The following PDXDC1 variants were observed in gnomAD, a reference collection of about 807,000 sequenced individuals.
PDXDC1 encodes the protein pyridoxal-dependent decarboxylase domain-containing protein 1.
PDXDC1 carries 42 observed loss-of-function variants against 100.1 expected under a neutral mutation model. That is an observed-to-expected ratio of 0.42 (90% CI 0.33 to 0.54). PDXDC1 has a LOEUF of 0.54. Among genes scored for constraint, PDXDC1 ranks in the 20% least tolerant of loss-of-function variants. PDXDC1 has a pLI of 0.10. For missense variants in PDXDC1, 636 were observed against 979.2 expected, an observed-to-expected ratio of 0.65 and a Z score of 4.68; for synonymous variants, 260 against 371.7, an observed-to-expected ratio of 0.70 and a Z score of 3.46.
intron 16 of PDXDC1, among the ~76,000 whole-genome samples, chr16:15,087,121 C>T (rs1455216306): frequency 2.0e-5 from 3 of 152,068 alleles, no homozygotes; most frequent in African/African-American, 7.2e-5. Context: ...TAATTATATT[C>T]ATGCATATAT....
chr16:15,133,972 G>C (rs1223732372), intron 16 of PDXDC1: 1 of 1,320,260 alleles, frequency 7.6e-7, no homozygotes, highest in Non-Finnish European at 1.1e-6. Context: ...CCGTCCCGCA[G>C]CACGCCCCGC....
downstream of PDXDC1, among the ~76,000 whole-genome samples, chr16:15,043,279 A>T (rs1597774455): frequency 2.0e-5 from 3 of 149,398 alleles, no homozygotes; most frequent in Admixed American, 2.0e-4. Context: ...TAGGTGATCC[A>T]CCTGCCTTGG....
intron 22 of PDXDC1, among the ~76,000 whole-genome samples, 182 bp from the exon 23 acceptor site, chr16:15,035,834 G>C (rs992773177): frequency 6.6e-6 from 1 of 152,108 alleles, no homozygotes; most frequent in African/African-American, 2.4e-5. Flanking sequence ...CCCGGCCTGG[G>C]GAGCATGTTG....
intron 16 of PDXDC1, among the ~76,000 whole-genome samples, chr16:15,128,575 C>A (rs961198630): frequency 6.6e-6 from 1 of 152,118 alleles, no homozygotes; most frequent in African/African-American, 2.4e-5. Flanking sequence ...ACAGCAGGAC[C>A]TCAAGGACAT....
At position 15,131,594 on chromosome 16, in the gene PDXDC1, G is replaced by C. The variant is rs916586534; in HGVS notation, c.1400-7285G>C. On this transcript the variant is annotated intron_variant, in intron 16 of 16. Coordinates refer to the PDXDC1 transcript ENST00000535621. ...CGGGAGCGCGTGAGGATGCGCATGAGGGCAGAGGTCAGGTTGTAGGCCTGG... is the reference window on the plus strand; with the variant it reads ...CGGGAGCGCGTGAGGATGCGCATGACGGCAGAGGTCAGGTTGTAGGCCTGG... The C allele has an allele frequency of 7.5e-6, 12 of 1,604,024 alleles. No individual in the cohort carries two copies. In the African/African-American group the frequency reaches 1.2e-4, roughly 16 times the overall value.
the PDXDC1 span, among the ~76,000 whole-genome samples, chr16:15,150,351 A>AAATAAATG: frequency 4.4e-5 from 6 of 135,942 alleles, no homozygotes. Context: ...AAATAACAAT[A>AAATAAATG]AATAAATAAA....
At chr16:15,095,081 G>A (rs1315498641) in intron 16 of PDXDC1, among the ~76,000 whole-genome samples, 3 of 151,908 alleles carry the variant, frequency 2.0e-5, no homozygotes, top group East Asian at 1.9e-4. Flanking sequence ...CAGGTCATCC[G>A]CCCGCCTCGG....
rs1037505050 is a variant in PDXDC1, at chr16:15,017,492, C to G, written c.963+70C>G. On this transcript the variant is annotated intron_variant, in intron 11 of 22. Transcript: ENST00000396410. Reference sequence around the variant, plus strand: ...CATTATTGGCTTTGGGGGCAAAATCCAGAAAAATACAGGAAAAAGTGAAAA... The same window carrying G: ...CATTATTGGCTTTGGGGGCAAAATCGAGAAAAATACAGGAAAAAGTGAAAA... 4.7e-6 allele frequency: 5 copies of G among 1,075,004 alleles called. No homozygotes were observed. In the Admixed American group the frequency reaches 1.0e-4, roughly 23 times the overall value. The allele number at this position is 1,075,004 out of a possible 1,614,324, so 66.6% of individuals were successfully genotyped here. A position where few individuals can be genotyped will look rare whatever the true frequency, so the allele number is the denominator to read the frequency against.
At chr16:15,023,922 CCT>C (rs1161089772) in intron 13 of PDXDC1, among the ~76,000 whole-genome samples, 1 of 152,292 alleles carries the variant, frequency 6.6e-6, no homozygotes, top group Non-Finnish European at 1.5e-5. Context: ...CGGTTGGTCT[CCT>C]CTGATTGCAA....
chr16:15,044,676 CTT>C (rs1316343491), intron 16 of PDXDC1: 1 of 518,360 alleles, frequency 1.9e-6, no homozygotes, highest in African/African-American at 1.9e-5. Flanking sequence ...CAGTGGGGAA[CTT>C]TGCTCTGGAA....
chr16:14,976,234 C>CGG (rs1304321315), intron 1 of PDXDC1, among the ~76,000 whole-genome samples: 1 of 152,272 alleles, frequency 6.6e-6, no homozygotes, highest in Non-Finnish European at 1.5e-5. Context: ...AGTGCATACC[C>CGG]GGTTTTTCAT....
At chr16:15,000,345 C>T (rs956413346) in intron 3 of PDXDC1, among the ~76,000 whole-genome samples, 24 of 152,280 alleles carry the variant, frequency 1.6e-4, no homozygotes, top group Admixed American at 7.8e-4. Flanking sequence ...AAATCCATAA[C>T]GTCCGGCTTG....
chr16:15,131,019 C>T (rs1306727629), intron 16 of PDXDC1: 1 of 1,151,980 alleles, frequency 8.7e-7, no homozygotes, highest in African/African-American at 1.5e-5. Flanking sequence ...CATGGAAGCC[C>T]TACGAGAAAC....
At position 15,116,479 on chromosome 16, in the gene PDXDC1, C is replaced by CA. The variant is rs1193819668; in HGVS notation, c.1400-22377dup. ...TGGGTGACAGAGCGAGACTCTGTCT[C>CA]AAAAAAAAAAAAAAAAAAAAAAATT... On this transcript the variant is annotated intron_variant, in intron 16 of 16. Transcript: ENST00000535621. Among the ~76,000 whole-genome samples, 157 of 28,008 alleles carry CA rather than the reference C, an allele frequency of 5.6e-3. 1 individual carries two copies. Among genetic ancestry groups the CA allele is most frequent in the East Asian group, 0.01 (7 of 672 alleles). 18.4% of individuals were successfully genotyped at this position (28,008 alleles called of 152,430 possible).
At chr16:15,084,425 G>C (rs1188209567) in intron 16 of PDXDC1, among the ~76,000 whole-genome samples, 1 of 152,016 alleles carries the variant, frequency 6.6e-6, no homozygotes. Context: ...CAAAATTGGG[G>C]GAGGATCTGC....
At chr16:15,042,701 C>A (rs187295309), downstream of PDXDC1, among the ~76,000 whole-genome samples, 317 of 143,534 alleles carry the variant, frequency 2.2e-3, 2 homozygotes, top group African/African-American at 7.6e-3. Flanking sequence ...AGGGGAATTA[C>A]TGGGTCAAAG....
intron 16 of PDXDC1, among the ~76,000 whole-genome samples, chr16:15,124,888 C>T (rs2966194): frequency 3.9e-5 from 6 of 152,054 alleles, no homozygotes; most frequent in East Asian, 1.9e-4. Context: ...GTGGCTCACG[C>T]CTGTAATCCC....
At chr16:15,055,960 G>A (rs1205991634) in intron 16 of PDXDC1, 24 of 1,227,524 alleles carry the variant, frequency 2.0e-5, no homozygotes, top group African/African-American at 6.2e-5. Flanking sequence ...GCCCCTCGAC[G>A]AGCAGCGGCA....
At chr16:15,130,536 G>C in intron 16 of PDXDC1, 1 of 1,328,886 alleles carries the variant, frequency 7.5e-7, no homozygotes, top group South Asian at 1.2e-5. Context: ...ACCCGGTCCA[G>C]TCCCCTCGCT....
Sources: allele counts gnomAD v4.1 joint callset (sites outside exome capture counted in the v4.1 genomes callset), GRCh38; gene constraint gnomAD v4.1.1; transcripts MANE v1.5; gene names NCBI Gene and HGNC (gene_info 2026-07-23, HGNC 2026-07-21).